Variants in GRIN2B observed in about 807,000 individuals in gnomAD.
The protein encoded by GRIN2B is glutamate receptor ionotropic, NMDA 2B.
GRIN2B carries 5 observed loss-of-function variants against 114.5 expected under a neutral mutation model. The ratio of observed to expected loss-of-function variants is 0.04; its 90% CI spans 0.02 to 0.09. The LOEUF is 0.09. GRIN2B is among the 10% of genes least tolerant of loss of function. GRIN2B has a pLI of 1.00. For synonymous variants in GRIN2B, 787 were observed against 745.1 expected, an observed-to-expected ratio of 1.06 and a Z score of -0.92; for missense variants, 1,108 against 1,943.5, an observed-to-expected ratio of 0.57 and a Z score of 8.08.
chr12:13,956,546 C>T (rs1207572178), intron 2 of GRIN2B, among the ~76,000 whole-genome samples: 1 of 152,250 alleles, frequency 6.6e-6, no homozygotes, highest in African/African-American at 2.4e-5. Flanking sequence ...TGAAAACAAG[C>T]GCCTTTTTCT....
At chr12:13,589,272 T>G (rs565736308) in intron 10 of GRIN2B, among the ~76,000 whole-genome samples, 3 of 152,224 alleles carry the variant, frequency 2.0e-5, no homozygotes, top group Non-Finnish European at 4.4e-5. Context: ...CAACAGAGGC[T>G]TTAGTTAATT....
Position 13,564,190 on chromosome 12 carries a change from C to T in GRIN2B, c.3048G>A (p.Arg1016=). Residue 1016 remains arginine (R), a synonymous_variant, in exon 14 of 14, where the codon AGG becomes AGA. Coordinates refer to ENST00000609686, the MANE Select transcript of GRIN2B (RefSeq NM_000834.5). The surrounding 1 kb of genome is among the most constrained non-coding windows in gnomAD (Gnocchi z 4.8). ...CDNPPFTTQS[R]SISKKPLDIG... ...TGTCCAGGGGCTTCTTGCTGATGGA[C>T]CTGGACTGGGTGGTGAAGGGTGGGT... is the stretch of plus-strand genomic sequence containing the variant. The T allele has an allele frequency of 6.2e-6, 10 of 1,614,096 alleles. No homozygotes were observed. Among genetic ancestry groups the T allele is most frequent in the Non-Finnish European group, 7.6e-6 (9 of 1,180,026 alleles).
At chr12:13,749,508 G>GA (rs1863443393) in intron 4 of GRIN2B, among the ~76,000 whole-genome samples, 1 of 152,234 alleles carries the variant, frequency 6.6e-6, no homozygotes, top group Non-Finnish European at 1.5e-5. Context: ...CCCTACTGCA[G>GA]TTGCTGAGAG....
chr12:13,740,130 A>G (rs1282003476), intron 4 of GRIN2B, among the ~76,000 whole-genome samples: 1 of 152,182 alleles, frequency 6.6e-6, no homozygotes, highest in Non-Finnish European at 1.5e-5. Flanking sequence ...AGGATCCTCC[A>G]TGGCCTTGGA....
At position 13,539,345 on chromosome 12, in the gene GRIN2B, G is replaced by A. The variant is rs1449667240; in HGVS notation, c.*23438C>T. The A allele has an allele frequency of 4.6e-5, 7 of 152,250 alleles. No homozygotes were observed. Among genetic ancestry groups the A allele is most frequent in the Admixed American group, 4.6e-4 (7 of 15,282 alleles). 9.4% of individuals were successfully genotyped at this position (152,250 alleles called of 1,614,324 possible). A position where few individuals can be genotyped will look rare whatever the true frequency, so the allele number is the denominator to read the frequency against. On this transcript the variant is annotated 3_prime_UTR_variant, in exon 14 of 14. Transcript: ENST00000609686. Reference sequence around the variant, plus strand: ...AGTACTAGGACTATAGGAGGAGCATGTGGCTTTTAATAAAGTGATGTTGAA... The same window carrying A: ...AGTACTAGGACTATAGGAGGAGCATATGGCTTTTAATAAAGTGATGTTGAA...
intron 2 of GRIN2B, among the ~76,000 whole-genome samples, chr12:13,967,786 A>G (rs1867812805): frequency 6.6e-6 from 1 of 152,128 alleles, no homozygotes; most frequent in African/African-American, 2.4e-5. Flanking sequence ...CGACAGGAAG[A>G]CCTGGAGCTG....
At chr12:13,591,152 C>T (rs1949004238) in intron 10 of GRIN2B, among the ~76,000 whole-genome samples, 1 of 152,138 alleles carries the variant, frequency 6.6e-6, no homozygotes, top group Non-Finnish European at 1.5e-5. Flanking sequence ...TGACGTTTGA[C>T]CTTCCCTCCA....
chr12:13,855,560 C>T (rs1401021093), intron 3 of GRIN2B, among the ~76,000 whole-genome samples: 3 of 152,150 alleles, frequency 2.0e-5, no homozygotes. Context: ...AGATTCCTTC[C>T]TTGCCTCTTC....
chr12:13,752,614 C>T (rs1476056075), intron 4 of GRIN2B, among the ~76,000 whole-genome samples: 3 of 152,132 alleles, frequency 2.0e-5, no homozygotes, highest in South Asian at 2.1e-4. Context: ...TAATACCCCA[C>T]GGAGGATGCA....
intron 3 of GRIN2B, among the ~76,000 whole-genome samples, chr12:13,763,690 T>C (rs1455798884): frequency 1.3e-5 from 2 of 152,230 alleles, no homozygotes; most frequent in Non-Finnish European, 2.9e-5. Flanking sequence ...TTATCTGTTC[T>C]TAAATAGGGA....
intron 5 of GRIN2B, among the ~76,000 whole-genome samples, chr12:13,632,443 G>A (rs1201757457): frequency 1.3e-5 from 2 of 152,232 alleles, no homozygotes; most frequent in Non-Finnish European, 2.9e-5. Flanking sequence ...TCGGGCTCAG[G>A]TGTGACTTTA....
At chr12:13,613,127 G>A (rs181377079) in intron 8 of GRIN2B, among the ~76,000 whole-genome samples, 3 of 152,256 alleles carry the variant, frequency 2.0e-5, no homozygotes, top group South Asian at 2.1e-4. Flanking sequence ...AGATGCGAGC[G>A]TAAGAGGTAC....
At chr12:13,739,209 T>A (rs1377710628) in intron 4 of GRIN2B, among the ~76,000 whole-genome samples, 3 of 151,596 alleles carry the variant, frequency 2.0e-5, no homozygotes, top group South Asian at 2.1e-4. Flanking sequence ...GGAAAAACCC[T>A]GTCTCTACTA....
chr12:13,923,724 T>A (rs1409386746), intron 2 of GRIN2B, among the ~76,000 whole-genome samples: 1 of 152,160 alleles, frequency 6.6e-6, no homozygotes, highest in Non-Finnish European at 1.5e-5. Flanking sequence ...CCGCCATCTT[T>A]GCTTGGGGCT....
chr12:13,863,070 A>C (rs1865774052), intron 3 of GRIN2B, among the ~76,000 whole-genome samples: 1 of 152,214 alleles, frequency 6.6e-6, no homozygotes, highest in Non-Finnish European at 1.5e-5. Context: ...GCGGAGAGAA[A>C]GACATGATGG....
At chr12:13,818,786 C>G (rs894047936) in intron 3 of GRIN2B, among the ~76,000 whole-genome samples, 3 of 152,176 alleles carry the variant, frequency 2.0e-5, no homozygotes, top group Non-Finnish European at 4.4e-5. Context: ...TTCTTTGGAG[C>G]CTTCATGAGT....
At chr12:13,924,887 G>A (rs1192322543) in intron 2 of GRIN2B, among the ~76,000 whole-genome samples, 1 of 152,020 alleles carries the variant, frequency 6.6e-6, no homozygotes, top group Non-Finnish European at 1.5e-5. Flanking sequence ...AGAGCATAGG[G>A]TGCAAAAGTG....
intron 10 of GRIN2B, among the ~76,000 whole-genome samples, chr12:13,590,023 A>G (rs1230455049): frequency 2.0e-5 from 3 of 152,196 alleles, no homozygotes; most frequent in African/African-American, 7.2e-5. Flanking sequence ...GGTATTAATT[A>G]AAAACTTAGA....
rs1182610829 is a variant in GRIN2B at position 13,827,306 on chromosome 12, C to A, written c.411+38492G>T. On this transcript the variant is annotated intron_variant, in intron 3 of 13. Transcript: ENST00000609686. Reference sequence around the variant, plus strand: ...ATTTATAGTTTTTATCAATTGTTTTCACCAAATAATTTCATATAGTTTTAA... The same window carrying A: ...ATTTATAGTTTTTATCAATTGTTTTAACCAAATAATTTCATATAGTTTTAA... Among the ~76,000 whole-genome samples, 4 of 106,192 alleles carry A rather than the reference C, an allele frequency of 3.8e-5. No individual in the cohort carries two copies. The East Asian group carries it at 1.2e-3, about 33-fold the overall frequency. 69.7% of individuals were successfully genotyped at this position (106,192 alleles called of 152,430 possible). A position where few individuals can be genotyped will look rare whatever the true frequency, so the allele number is the denominator to read the frequency against.
Sources: gnomAD v4.1 joint callset for allele counts (sites outside exome capture counted in the v4.1 genomes callset) on GRCh38, gnomAD v4.1.1 for gene constraint, Gnocchi (gnomAD v3.1) non-coding constraint, MANE v1.5 for transcripts, NCBI Gene and HGNC (gene_info 2026-07-23, HGNC 2026-07-21) for gene names.